Variants in NCOA1 observed in about 807,000 individuals in gnomAD.
NCOA1 encodes the protein Hin-2 protein.
In NCOA1, 35 loss-of-function variants were observed where a neutral mutation model predicts 150.9. That is an observed-to-expected ratio of 0.23 (90% CI 0.18 to 0.31). The LOEUF is 0.31. Among genes scored for constraint, NCOA1 ranks in the 10% least tolerant of loss-of-function variants. NCOA1 has a pLI of 1.00. For missense variants in NCOA1, 1,491 were observed against 1,749.3 expected (o/e 0.85, Z 2.63); for synonymous variants, 590 against 630.0 (o/e 0.94, Z 0.95).
At chr2:24,764,201 T>C (rs1161656009) in intron 22 of NCOA1, among the ~76,000 whole-genome samples, 3 of 152,174 alleles carry the variant, frequency 2.0e-5, no homozygotes, top group Admixed American at 2.0e-4. Flanking sequence ...ACATGTACCA[T>C]TCACAGTGCT....
At chr2:24,544,656 C>G (rs1279770634) in intron 1 of NCOA1, among the ~76,000 whole-genome samples, 1 of 152,092 alleles carries the variant, frequency 6.6e-6, no homozygotes, top group South Asian at 2.1e-4. Context: ...GGAGGAGCAC[C>G]TGAGCTCAGG....
intron 6 of NCOA1, among the ~76,000 whole-genome samples, chr2:24,668,177 T>C (rs552619529): frequency 5.9e-5 from 9 of 152,112 alleles, no homozygotes; most frequent in East Asian, 3.8e-4. Flanking sequence ...AAGAAACTTA[T>C]AGGATTAGTT....
rs1673497080 is a variant in NCOA1, at chr2:24,707,306, T to A, written c.1836T>A (p.Leu612=). The change falls in exon 13 of 23, where the codon CTT becomes CTA. Residue 612 remains leucine (L), a synonymous_variant. Transcript: ENST00000348332. ...ATGGCAAACCTCTGGATTCAGGGCT[T>A]CTGCATAACAATGACAGACTTTCAG... ...SSDGKPLDSG[L]LHNNDRLSDG... The A allele has an allele frequency of 6.2e-7, 1 of 1,614,222 alleles. No individual in the cohort carries two copies. The highest frequency in any genetic ancestry group is 8.5e-7 in the Non-Finnish European group (1 of 1,180,028).
At chr2:24,645,725 G>T (rs891250200) in intron 4 of NCOA1, among the ~76,000 whole-genome samples, 5 of 152,074 alleles carry the variant, frequency 3.3e-5, no homozygotes, top group African/African-American at 4.8e-5. Context: ...ATATGCTCCC[G>T]TGAGCATTTC....
chr2:24,664,638 G>A (rs1671330657), intron 5 of NCOA1, among the ~76,000 whole-genome samples: 2 of 151,974 alleles, frequency 1.3e-5, no homozygotes, highest in Admixed American at 6.6e-5. Flanking sequence ...AACCCGGGAG[G>A]CAGAGGTTGC....
chr2:24,533,533 A>G (rs999417465), intron 1 of NCOA1, among the ~76,000 whole-genome samples: 1 of 152,194 alleles, frequency 6.6e-6, no homozygotes, highest in Non-Finnish European at 1.5e-5. Context: ...CCGGTTTTCA[A>G]AGGGAATGCT....
At chr2:24,610,263 A>T (rs1668563726) in intron 3 of NCOA1, among the ~76,000 whole-genome samples, 1 of 151,632 alleles carries the variant, frequency 6.6e-6, no homozygotes, top group Admixed American at 6.6e-5. Flanking sequence ...AGCTAGGACT[A>T]CAGGCACTTG....
chr2:24,707,764 A>C lies in NCOA1; in HGVS notation c.2294A>C (p.Asn765Thr). The change falls in exon 13 of 23, where the codon AAC (asparagine) becomes ACC (threonine). Residue 765 changes from asparagine to threonine, a missense_variant. By Grantham distance (65) the Asn-to-Thr change is moderately conservative (BLOSUM62 0). Around this residue, in one of 8 missense-constraint regions of NCOA1, gnomAD observed 703 missense variants for 717.7 expected, o/e 0.98. Coordinates refer to ENST00000348332, the MANE Select transcript of NCOA1 (RefSeq NM_003743.5). ...KDEKDLRSTP[N>T]LSLDDVKVKV... ...GAGAAAGATTTAAGATCAACTCCAA[A>C]CCTGAGCCTGGATGATGTAAAGGTG... The C allele has an allele frequency of 6.2e-7, 1 of 1,614,162 alleles. No homozygotes were observed. Among genetic ancestry groups the C allele is most frequent in the Non-Finnish European group, 8.5e-7 (1 of 1,180,030 alleles).
At chr2:24,538,637 CT>C (rs1190638022) in intron 1 of NCOA1, among the ~76,000 whole-genome samples, 4 of 152,166 alleles carry the variant, frequency 2.6e-5, no homozygotes, top group Non-Finnish European at 4.4e-5. Context: ...TCTGTATATA[CT>C]TTTATTCTAT....
Position 24,729,068 on chromosome 2 carries a change from C to T in NCOA1, c.2887-433C>T, listed in dbSNP as rs929999589. On this transcript the variant is annotated intron_variant, in intron 16 of 22. Transcript: ENST00000348332. ...TAGTGAAAACATTTGGAAACCATAA[C>T]GCTACAGCTTTCTGTTACATGAGCT... 1.7e-4 allele frequency among the ~76,000 whole-genome samples: 26 copies of T among 152,280 alleles called. 1 individual carries two copies. Among genetic ancestry groups the T allele is most frequent in the Middle Eastern group, 3.4e-3 (1 of 294 alleles).
chr2:24,534,174 A>G (rs1192050220), intron 1 of NCOA1, among the ~76,000 whole-genome samples: 2 of 151,970 alleles, frequency 1.3e-5, no homozygotes, highest in African/African-American at 4.8e-5. Context: ...AGTCTTGGGA[A>G]GGTGTATGTG....
intron 1 of NCOA1, among the ~76,000 whole-genome samples, chr2:24,512,275 T>C (rs1016184417): frequency 6.6e-5 from 10 of 152,356 alleles, no homozygotes; most frequent in Admixed American, 5.2e-4. Context: ...TCAAACATCA[T>C]TTTATAAATA....
At chr2:24,728,178 G>A (rs974609776) in intron 15 of NCOA1, 130 bp from the exon 16 acceptor site, 2 of 614,208 alleles carry the variant, frequency 3.3e-6, no homozygotes, top group African/African-American at 3.8e-5. Context: ...AACATTCCAT[G>A]GCATTAGAAT....
chr2:24,584,421 ATG>A (rs1176618819), intron 2 of NCOA1, 53 bp from the exon 3 acceptor site: 1 of 152,158 alleles, frequency 6.6e-6, no homozygotes, highest in African/African-American at 2.4e-5. Context: ...CATTAATTTC[ATG>A]TGATTGATCC....
chr2:24,617,154 G>A (rs1038850668), intron 3 of NCOA1, among the ~76,000 whole-genome samples: 23 of 152,266 alleles, frequency 1.5e-4, no homozygotes, highest in African/African-American at 5.3e-4. Flanking sequence ...ATAAAAGCAT[G>A]TTGCTCCAAT....
Position 24,706,907 on chromosome 2 carries a change from A to C in NCOA1, c.1437A>C (p.Thr479=). 1 of 1,614,222 alleles carries C rather than the reference A, an allele frequency of 6.2e-7. No individual in the cohort carries two copies. Among genetic ancestry groups the C allele is most frequent in the South Asian group, 1.1e-5 (1 of 91,082 alleles). Residue 479 remains threonine, a synonymous_variant, in exon 13 of 23, where the codon ACA becomes ACC. Coordinates refer to ENST00000348332, the MANE Select transcript of NCOA1 (RefSeq NM_003743.5). Reference sequence around the variant, plus strand: ...TCAATAATTCTCCTATGGAAGGTACAGGAATATCCCTAGCACAGTTCATGT... The same window carrying C: ...TCAATAATTCTCCTATGGAAGGTACCGGAATATCCCTAGCACAGTTCATGT... ...LNLNNSPMEG[T]GISLAQFMSP... is the part of the protein sequence containing the mutation.
At chr2:24,576,164 T>TTTTTG (rs1666965178) in intron 2 of NCOA1, among the ~76,000 whole-genome samples, 1 of 85,094 alleles carries the variant, frequency 1.2e-5, no homozygotes, top group African/African-American at 5.5e-5. Context: ...TTTTTTTTTG[T>TTTTTG]TTTTTGTTTT....
At chr2:24,694,736 T>A (rs17046482) in intron 10 of NCOA1, among the ~76,000 whole-genome samples, 1,775 of 152,252 alleles carry the variant, frequency 0.012, 22 homozygotes, top group East Asian at 0.057. Context: ...CTTTCCAGTC[T>A]CTACCATGAA....
At chr2:24,541,593 C>T (rs1460394954) in intron 1 of NCOA1, among the ~76,000 whole-genome samples, 1 of 152,122 alleles carries the variant, frequency 6.6e-6, no homozygotes, top group East Asian at 1.9e-4. Context: ...GAGGTTGTGG[C>T]CCCAGTTGGT....
Sources: allele counts gnomAD v4.1 joint callset (sites outside exome capture counted in the v4.1 genomes callset), GRCh38; gene constraint gnomAD v4.1.1; regional missense constraint gnomAD v4.1.1; transcripts MANE v1.5; gene names NCBI Gene and HGNC (gene_info 2026-07-23, HGNC 2026-07-21).